ZDHHC21: variants seen among roughly 807,000 people sequenced by gnomAD.
ZDHHC21 encodes palmitoyltransferase ZDHHC21.
ZDHHC21 carries 15 observed loss-of-function variants against 34.6 expected under a neutral mutation model. The ratio of observed to expected loss-of-function variants is 0.43; its 90% confidence interval spans 0.29 to 0.67. The LOEUF is 0.67. ZDHHC21 is among the 30% of genes least tolerant of loss of function. ZDHHC21 has a pLI of 0.14. For synonymous variants in ZDHHC21, 142 were observed against 101.8 expected (o/e 1.40, Z -2.38); for missense variants, 344 against 327.7 (o/e 1.05, Z -0.38).
At chr9:14,678,722 T>C (rs889505757) in intron 3 of ZDHHC21, among the ~76,000 whole-genome samples, 1 of 152,060 alleles carries the variant, frequency 6.6e-6, no homozygotes, top group Non-Finnish European at 1.5e-5. Flanking sequence ...TGTACAAGGA[T>C]ACAGCACTTT....
chr9:14,599,968 A>T, the ZDHHC21 span, among the ~76,000 whole-genome samples: 4 of 152,218 alleles, frequency 2.6e-5, no homozygotes, highest in African/African-American at 9.7e-5. Context: ...CTTCATGCTA[A>T]AAACTCTCAA....
intron 7 of ZDHHC21, among the ~76,000 whole-genome samples, chr9:14,648,738 T>C (rs986112751): frequency 3.9e-5 from 6 of 152,042 alleles, no homozygotes; most frequent in African/African-American, 1.2e-4. Context: ...GGGAAGTGAA[T>C]AGACACTCAA....
intron 5 of ZDHHC21, among the ~76,000 whole-genome samples, chr9:14,669,511 C>T (rs2131480722): frequency 6.6e-6 from 1 of 151,618 alleles, no homozygotes; most frequent in East Asian, 1.9e-4. Context: ...GGGTATATAC[C>T]CAAAATGACT....
At chr9:14,676,983 T>G (rs1330991089) in intron 3 of ZDHHC21, among the ~76,000 whole-genome samples, 1 of 151,960 alleles carries the variant, frequency 6.6e-6, no homozygotes, top group Non-Finnish European at 1.5e-5. Context: ...TAGCTTAAAT[T>G]TATTAACATT....
At chr9:14,593,671 C>G in the ZDHHC21 span, 1 of 152,252 alleles carries the variant, frequency 6.6e-6, no homozygotes, top group Non-Finnish European at 1.5e-5. Context: ...TTTCTATAAT[C>G]TTCAATGACA....
chr9:14,658,500 T>C (rs1832721550), intron 7 of ZDHHC21, among the ~76,000 whole-genome samples: 2 of 98,202 alleles, frequency 2.0e-5, no homozygotes, highest in Non-Finnish European at 3.7e-5. Flanking sequence ...TGAGACGGAG[T>C]CTCGCTGTCG....
At chr9:14,686,809 C>T (rs967846192) in intron 2 of ZDHHC21, among the ~76,000 whole-genome samples, 5 of 150,026 alleles carry the variant, frequency 3.3e-5, no homozygotes, top group African/African-American at 1.3e-4. Flanking sequence ...CCTGTCTCCA[C>T]TAAAAATACA....
rs138320178 is a variant in ZDHHC21, at chr9:14,613,850, T to C, written c.*5116A>G. ...CAGTTTTTTCAAACTTTGGTCAACC[T>C]ATTCATTTCTCCTCTGCATTAAATA... On this transcript the variant is annotated 3_prime_UTR_variant, in exon 10 of 10. Coordinates refer to ENST00000380916, the MANE Select transcript of ZDHHC21 (RefSeq NM_178566.6). The C allele has an allele frequency of 6.6e-6, 1 of 151,812 alleles. No individual in the cohort carries two copies. Among genetic ancestry groups the C allele is most frequent in the African/African-American group, 2.4e-5 (1 of 41,424 alleles). 9.4% of individuals were successfully genotyped at this position (151,812 alleles called of 1,614,324 possible). A position where few individuals can be genotyped will look rare whatever the true frequency, so the allele number is the denominator to read the frequency against.
chr9:14,688,445 C>G (rs1023860911), intron 2 of ZDHHC21, among the ~76,000 whole-genome samples: 4 of 150,750 alleles, frequency 2.7e-5, no homozygotes, highest in African/African-American at 1.0e-4. Context: ...TAACAATACC[C>G]CAGGGCCTGC....
the ZDHHC21 span, among the ~76,000 whole-genome samples, chr9:14,591,516 T>C: frequency 6.6e-6 from 1 of 152,110 alleles, no homozygotes; most frequent in East Asian, 1.9e-4. Flanking sequence ...CGCAGGTATT[T>C]TGTGATAGCA....
chr9:14,672,520 C>A (rs1015699900), intron 5 of ZDHHC21, among the ~76,000 whole-genome samples: 1 of 151,894 alleles, frequency 6.6e-6, no homozygotes, highest in Non-Finnish European at 1.5e-5. Flanking sequence ...CACCAACAAC[C>A]AGATGTTTAA....
intron 2 of ZDHHC21, among the ~76,000 whole-genome samples, chr9:14,681,216 A>G (rs1474231507): frequency 1.3e-5 from 2 of 152,038 alleles, no homozygotes; most frequent in East Asian, 1.9e-4. Flanking sequence ...TGATATTGCT[A>G]TTCTATTTTA....
At chr9:14,630,827 T>C (rs1827204420) in intron 8 of ZDHHC21, among the ~76,000 whole-genome samples, 1 of 152,228 alleles carries the variant, frequency 6.6e-6, no homozygotes, top group Non-Finnish European at 1.5e-5. Flanking sequence ...GGAACTTTTT[T>C]TCCTGAGCAG....
rs1823303761 is a variant in ZDHHC21, at chr9:14,611,560, C to A, written c.*7406G>T. The A allele has an allele frequency of 6.6e-6, 1 of 151,964 alleles. No homozygotes were observed. 9.4% of individuals were successfully genotyped at this position (151,964 alleles called of 1,614,324 possible). On this transcript the variant is annotated 3_prime_UTR_variant, in exon 10 of 10. Transcript: ENST00000380916. ...TGCCTGACAAATTTAAAAACAGGAT[C>A]TTCTTATGCCACTTGTAACATACCA... is the stretch of plus-strand genomic sequence containing the variant.
chr9:14,685,218 TAA>T, intron 2 of ZDHHC21, among the ~76,000 whole-genome samples: 1 of 151,568 alleles, frequency 6.6e-6, no homozygotes, highest in South Asian at 2.1e-4. Context: ...CTAATTAAAC[TAA>T]AGAGCTTCTG....
At chr9:14,646,909 T>C (rs1830362617) in intron 7 of ZDHHC21, among the ~76,000 whole-genome samples, 2 of 152,138 alleles carry the variant, frequency 1.3e-5, no homozygotes, top group Non-Finnish European at 1.5e-5. Context: ...GACTTTTGCC[T>C]GTCTTGTTCA....
intron 8 of ZDHHC21, among the ~76,000 whole-genome samples, chr9:14,623,766 G>A (rs774691501): frequency 9.2e-5 from 14 of 151,934 alleles, no homozygotes; most frequent in South Asian, 2.1e-4. Context: ...TCAGAGAAAC[G>A]TAAATCAAAA....
chr9:14,686,741 G>C (rs928538813), intron 2 of ZDHHC21, among the ~76,000 whole-genome samples: 14 of 151,806 alleles, frequency 9.2e-5, no homozygotes, highest in Non-Finnish European at 1.5e-4. Context: ...GGGAGGCCGA[G>C]GTGGGAGGAT....
the ZDHHC21 span, among the ~76,000 whole-genome samples, chr9:14,606,050 T>C: frequency 6.6e-6 from 1 of 152,190 alleles, no homozygotes; most frequent in Non-Finnish European, 1.5e-5. Flanking sequence ...AGGAAAGACC[T>C]TTCTAAACAA....
Sources: gnomAD v4.1 joint callset for allele counts (sites outside exome capture counted in the v4.1 genomes callset) on GRCh38, gnomAD v4.1.1 for gene constraint, MANE v1.5 for transcripts, NCBI Gene and HGNC (gene_info 2026-07-23, HGNC 2026-07-21) for gene names.